PRKAR1B: variants seen among roughly 807,000 people sequenced by gnomAD.
PRKAR1B encodes protein kinase cAMP-dependent type I regulatory subunit beta.
Under a neutral mutation model 46.5 loss-of-function variants are expected in PRKAR1B, and 22 were observed. The ratio of observed to expected loss-of-function variants is 0.47; its 90% CI spans 0.34 to 0.68. The LOEUF is 0.68. Ranked by LOEUF, PRKAR1B falls within the 30% of genes least tolerant of loss-of-function variation. The pLI, the probability that PRKAR1B is intolerant of heterozygous loss-of-function variation, is 0.01. For synonymous variants in PRKAR1B, 259 were observed against 217.7 expected (o/e 1.19, Z -1.67); for missense variants, 445 against 535.6 (o/e 0.83, Z 1.67).
chr7:725,803 T>C (rs773161413), intron 1 of PRKAR1B, among the ~76,000 whole-genome samples: 3 of 152,154 alleles, frequency 2.0e-5, no homozygotes, highest in South Asian at 2.1e-4. Flanking sequence ...AGATTGGTGC[T>C]CAAGATATTT....
At chr7:608,284 A>C (rs1782230045) in intron 4 of PRKAR1B, 1 of 152,202 alleles carries the variant, frequency 6.6e-6, no homozygotes, top group African/African-American at 2.4e-5. Flanking sequence ...GAGTGCACCC[A>C]CGGGGACACT....
In PRKAR1B at chr7:560,168, AG is replaced by A. The variant is rs1778695295; in HGVS notation, c.892-8699del. Among the ~76,000 whole-genome samples, 1 of 152,082 alleles carries A rather than the reference AG, an allele frequency of 6.6e-6. No individual in the cohort carries two copies. Among genetic ancestry groups the A allele is most frequent in the Non-Finnish European group, 1.5e-5 (1 of 68,014 alleles). ...CATGGCATGGGGTGACGGTTTTATA[AG>A]GGGCTTTCCCCGCTTTGTTCAGCTT... On this transcript the variant is annotated intron_variant, in intron 9 of 10. Coordinates refer to ENST00000537384, the MANE Select transcript of PRKAR1B (RefSeq NM_001164760.2). This position sits in a 1 kb window ranked among gnomAD's most constrained non-coding sequence, Gnocchi z 4.2.
chr7:578,972 G>A (rs1202301438), intron 9 of PRKAR1B: 11 of 1,226,842 alleles, frequency 9.0e-6, no homozygotes, highest in African/African-American at 4.7e-5. Flanking sequence ...GTGAGCCGCC[G>A]CGCCCGGCCA....
intron 4 of PRKAR1B, among the ~76,000 whole-genome samples, chr7:661,581 G>A (rs13243131): frequency 2.2e-4 from 3 of 13,716 alleles, no homozygotes; most frequent in Non-Finnish European, 2.7e-4. Context: ...CCACCCCAAC[G>A]GGTCCAAATA....
intron 4 of PRKAR1B, among the ~76,000 whole-genome samples, chr7:652,149 T>A (rs1203449478): frequency 6.9e-4 from 37 of 53,466 alleles, no homozygotes; most frequent in South Asian, 2.5e-3. Flanking sequence ...ACCCACACAG[T>A]GCTAGGAACC....
chr7:721,799 G>A (rs1432995911), intron 1 of PRKAR1B, among the ~76,000 whole-genome samples: 3 of 152,138 alleles, frequency 2.0e-5, no homozygotes, highest in Non-Finnish European at 4.4e-5. Flanking sequence ...CTGGGTAGAG[G>A]ACTCACAGTC....
intron 6 of PRKAR1B, among the ~76,000 whole-genome samples, chr7:599,717 C>T (rs985892983): frequency 2.6e-5 from 4 of 152,272 alleles, no homozygotes; most frequent in Non-Finnish European, 5.9e-5. Flanking sequence ...CCTTCACTCG[C>T]TCACCCTCTG....
In PRKAR1B at chr7:631,787, T is replaced by TA. The variant is rs374619543; in HGVS notation, c.441-24336dup. Among the ~76,000 whole-genome samples, 209 of 143,162 alleles carry TA rather than the reference T, an allele frequency of 1.5e-3. 1 individual carries two copies. Among genetic ancestry groups the TA allele is most frequent in the Middle Eastern group, 3.5e-3 (1 of 284 alleles). 93.9% of individuals were successfully genotyped at this position (143,162 alleles called of 152,430 possible). ...GCCAACATAGAGAGACCCCCATCTCTAAAAAAAAAAAAATTGGAAATTAGC... is the reference window on the plus strand; with the variant it reads ...GCCAACATAGAGAGACCCCCATCTCTAAAAAAAAAAAAAATTGGAAATTAGC... On this transcript the variant is annotated intron_variant, in intron 4 of 10. Transcript: ENST00000537384.
At chr7:706,333 A>G (rs2128525286) in intron 2 of PRKAR1B, among the ~76,000 whole-genome samples, 1 of 141,224 alleles carries the variant, frequency 7.1e-6, no homozygotes, top group African/African-American at 2.7e-5. Context: ...CTCAAAAAAG[A>G]AGATTGATGG....
intron 4 of PRKAR1B, among the ~76,000 whole-genome samples, chr7:611,015 G>A (rs1372174238): frequency 6.6e-6 from 1 of 152,224 alleles, no homozygotes; most frequent in Non-Finnish European, 1.5e-5. Flanking sequence ...TCCTGCGGGG[G>A]CCGAGGGCAG....
At chr7:725,715 G>T (rs1020648937) in intron 1 of PRKAR1B, among the ~76,000 whole-genome samples, 1 of 152,196 alleles carries the variant, frequency 6.6e-6, no homozygotes, top group Non-Finnish European at 1.5e-5. Context: ...ATTGTGGTTT[G>T]AGTCATGCAG....
At chr7:684,425 T>C (rs1196435568) in intron 2 of PRKAR1B, among the ~76,000 whole-genome samples, 1 of 152,190 alleles carries the variant, frequency 6.6e-6, no homozygotes, top group Non-Finnish European at 1.5e-5. Context: ...AATAAAAATA[T>C]ATGCATATAT....
At chr7:685,220 T>TTA (rs1156678173) in intron 2 of PRKAR1B, among the ~76,000 whole-genome samples, 73 of 134,048 alleles carry the variant, frequency 5.4e-4, no homozygotes, top group East Asian at 3.7e-3. Flanking sequence ...ATATAACATG[T>TTA]TATATATATA....
intron 8 of PRKAR1B, 76 bp downstream of exon 8, chr7:584,432 A>T (rs1780482369): frequency 8.0e-7 from 1 of 1,254,670 alleles, no homozygotes; most frequent in Non-Finnish European, 1.2e-6. Context: ...CACGCAGGGA[A>T]TGGGGAAGAG....
chr7:692,198 G>A lies in PRKAR1B; in HGVS notation c.178-11472C>T, dbSNP rs577467527. On this transcript the variant is annotated intron_variant, in intron 2 of 10. Coordinates refer to ENST00000537384, the MANE Select transcript of PRKAR1B (RefSeq NM_001164760.2). ...GCAGATCACCTGAGGTCAGGAGTTC[G>A]AGACCAGCCTGACCAACATGGTGAA... 1.2e-3 allele frequency among the ~76,000 whole-genome samples: 177 copies of A among 152,312 alleles called. 1 individual carries two copies. Among genetic ancestry groups the A allele is most frequent in the Non-Finnish European group, 1.4e-3 (94 of 68,032 alleles).
At position 579,313 on chromosome 7, in the gene PRKAR1B, A is replaced by G. The variant is rs1562533508; in HGVS notation, c.834T>C (p.Asp278=). 1 of 1,614,174 alleles carries G rather than the reference A, an allele frequency of 6.2e-7. No individual in the cohort carries two copies. The highest frequency in any genetic ancestry group is 8.5e-7 in the Non-Finnish European group (1 of 1,180,030). Residue 278 remains aspartate, a synonymous_variant, in exon 9 of 11, where the codon GAT becomes GAC. Coordinates refer to ENST00000537384, the MANE Select transcript of PRKAR1B (RefSeq NM_001164760.2). ...CTCCCTGGACCACAATTTTCTCTCC[A>G]TCTTCAAACTGGACGGGCTCCAGCG... ...ADALEPVQFE[D]GEKIVVQGEP... is the part of the protein sequence containing the mutation.
intron 1 of PRKAR1B, among the ~76,000 whole-genome samples, chr7:717,642 AGT>A (rs1780927628): frequency 1.3e-5 from 2 of 152,218 alleles, no homozygotes; most frequent in East Asian, 1.9e-4. Flanking sequence ...TGGGCAACAG[AGT>A]GAGACCTTGC....
At position 583,414 on chromosome 7, in the gene PRKAR1B, C is replaced by A. The variant is rs546546008; in HGVS notation, c.769+1094G>T. ...TCACACCCCCCACACGTGTGCACACCCACGCACACACGCACACACCCACAG... is the reference window on the plus strand; with the variant it reads ...TCACACCCCCCACACGTGTGCACACACACGCACACACGCACACACCCACAG... On this transcript the variant is annotated intron_variant, in intron 8 of 10. Transcript: ENST00000537384. 4.5e-3 allele frequency among the ~76,000 whole-genome samples: 644 copies of A among 143,100 alleles called. 5 individuals carry two copies. The highest frequency in any genetic ancestry group is 0.016 in the African/African-American group (603 of 38,890). 93.9% of individuals were successfully genotyped at this position (143,100 alleles called of 152,430 possible).
At chr7:633,912 C>A (rs1451573591) in intron 4 of PRKAR1B, among the ~76,000 whole-genome samples, 1 of 152,186 alleles carries the variant, frequency 6.6e-6, no homozygotes, top group Non-Finnish European at 1.5e-5. Context: ...TTGGACCAGG[C>A]ACAGTGGCTC....
Sources: allele counts gnomAD v4.1 joint callset (sites outside exome capture counted in the v4.1 genomes callset), GRCh38; gene constraint gnomAD v4.1.1; non-coding constraint Gnocchi (gnomAD v3.1); transcripts MANE v1.5; gene names NCBI Gene and HGNC (gene_info 2026-07-23, HGNC 2026-07-21).